Variants in ADAMTS18 observed in about 807,000 individuals in gnomAD.
The protein encoded by ADAMTS18 is A disintegrin and metalloproteinase with thrombospondin motifs 18.
A neutral mutation model predicts 165.9 loss-of-function variants in ADAMTS18; 157 were observed. The observed-to-expected ratio is 0.95, with a 90% confidence interval of 0.83 to 1.08. The LOEUF (loss-of-function observed/expected upper bound fraction) is 1.08. Ranked by LOEUF, ADAMTS18 falls within the 50% of genes least tolerant of loss-of-function variation. ADAMTS18 has a pLI of 0.00. For missense variants in ADAMTS18, 2,040 were observed against 1,534.0 expected, an observed-to-expected ratio of 1.33 and a Z score of -5.51; for synonymous variants, 782 against 578.2, an observed-to-expected ratio of 1.35 and a Z score of -5.06.
At chr16:77,296,938 G>A (rs546244079) in intron 18 of ADAMTS18, among the ~76,000 whole-genome samples, 2 of 152,240 alleles carry the variant, frequency 1.3e-5, no homozygotes, top group South Asian at 2.1e-4. Context: ...AAGTAAATTT[G>A]TATTTTTCAA....
chr16:77,308,725 A>G (rs1189094945), intron 16 of ADAMTS18, among the ~76,000 whole-genome samples: 1 of 152,224 alleles, frequency 6.6e-6, no homozygotes, highest in Non-Finnish European at 1.5e-5. Flanking sequence ...CTCAAGATGG[A>G]AAAACATTGT....
chr16:77,431,358 G>A lies in ADAMTS18; in HGVS notation c.432C>T (p.Phe144=). 1 of 1,614,150 alleles carries A rather than the reference G, an allele frequency of 6.2e-7. No individual in the cohort carries two copies. Among genetic ancestry groups the A allele is most frequent in the Non-Finnish European group, 8.5e-7 (1 of 1,180,042 alleles). The change falls in exon 3 of 23, where the codon TTC becomes TTT. Residue 144 remains phenylalanine, a synonymous_variant. Transcript: ENST00000282849. Reference sequence around the variant, plus strand: ...TGTCATTTCTGATAAATCCCTGATAGAAGCATTGCTGCACCTCGGGTTTCT... The same window carrying A: ...TGTCATTTCTGATAAATCCCTGATAAAAGCATTGCTGCACCTCGGGTTTCT... ...ETQKPEVQQC[F]YQGFIRNDSS...
chr16:77,367,797 G>A, intron 3 of ADAMTS18, 74 bp from the exon 4 acceptor site: 4 of 1,564,584 alleles, frequency 2.6e-6, no homozygotes, highest in Non-Finnish European at 1.8e-6. Context: ...TTCAACAACT[G>A]CTTCTGACTA....
chr16:77,405,417 G>C (rs958242974), intron 3 of ADAMTS18, among the ~76,000 whole-genome samples: 1 of 152,166 alleles, frequency 6.6e-6, no homozygotes, highest in Non-Finnish European at 1.5e-5. Flanking sequence ...TGCTTTGAAT[G>C]AGCAGATGGC....
intron 3 of ADAMTS18, among the ~76,000 whole-genome samples, chr16:77,425,816 G>A (rs1003550698): frequency 1.5e-4 from 23 of 152,084 alleles, no homozygotes; most frequent in African/African-American, 5.3e-4. Context: ...GCTGAGGTAG[G>A]CAGATCACCT....
chr16:77,384,967 T>C (rs2057085880), intron 3 of ADAMTS18, among the ~76,000 whole-genome samples: 1 of 151,500 alleles, frequency 6.6e-6, no homozygotes, highest in Admixed American at 6.6e-5. Flanking sequence ...TGGAATGCAG[T>C]GGAATGATCT....
At chr16:77,318,793 G>A (rs751337810) in intron 16 of ADAMTS18, among the ~76,000 whole-genome samples, 1 of 151,840 alleles carries the variant, frequency 6.6e-6, no homozygotes, top group Admixed American at 6.6e-5. Context: ...TTTCTGGTTA[G>A]TGAAGTCCAT....
intron 3 of ADAMTS18, among the ~76,000 whole-genome samples, chr16:77,379,715 T>A (rs140033320): frequency 2.6e-4 from 39 of 152,200 alleles, no homozygotes; most frequent in African/African-American, 9.1e-4. Flanking sequence ...GATCTCAAAT[T>A]CCTGACCTCA....
At chr16:77,299,454 T>G (rs138567924) in intron 17 of ADAMTS18, among the ~76,000 whole-genome samples, 102 of 152,304 alleles carry the variant, frequency 6.7e-4, no homozygotes, top group African/African-American at 2.4e-3. Flanking sequence ...ACATAAGAAT[T>G]TCTTCATTTT....
chr16:77,362,405 G>T lies in ADAMTS18; in HGVS notation c.1057-141C>A. 8.1e-6 allele frequency: 7 copies of T among 866,582 alleles called. No homozygotes were observed. The Middle Eastern group carries it at 1.7e-3, about 206-fold the overall frequency. 53.7% of individuals were successfully genotyped at this position (866,582 alleles called of 1,614,324 possible). A position where few individuals can be genotyped will look rare whatever the true frequency, so the allele number is the denominator to read the frequency against. On this transcript the variant is annotated intron_variant, in intron 6 of 22. Coordinates refer to ENST00000282849, the MANE Select transcript of ADAMTS18 (RefSeq NM_199355.4). The stretch of plus-strand genomic sequence containing the variant: ...ACACTTGAGCTAAGGTAGGAGACAG[G>T]AAAATCTCTATTTTAGGTAAATGCT...
intron 17 of ADAMTS18, among the ~76,000 whole-genome samples, chr16:77,298,737 A>G (rs1187924878): frequency 1.3e-5 from 2 of 151,814 alleles, no homozygotes; most frequent in African/African-American, 4.9e-5. Flanking sequence ...GGCAGCAGTG[A>G]GCCGTAATTG....
At chr16:77,409,117 G>C (rs2057429275) in intron 3 of ADAMTS18, among the ~76,000 whole-genome samples, 1 of 152,022 alleles carries the variant, frequency 6.6e-6, no homozygotes, top group Non-Finnish European at 1.5e-5. Context: ...TGCAGTTTCA[G>C]GCATCCACCG....
chr16:77,409,915 A>G (rs1033090695), intron 3 of ADAMTS18, among the ~76,000 whole-genome samples: 1 of 152,170 alleles, frequency 6.6e-6, no homozygotes, highest in South Asian at 2.1e-4. Context: ...CCTCCTGCTA[A>G]TATTACCGTA....
At chr16:77,374,156 T>C (rs2056916852) in intron 3 of ADAMTS18, among the ~76,000 whole-genome samples, 1 of 151,612 alleles carries the variant, frequency 6.6e-6, no homozygotes, top group Non-Finnish European at 1.5e-5. Flanking sequence ...GAGGAGCAGT[T>C]TGCAGCGCAC....
chr16:77,289,185 G>A, intron 22 of ADAMTS18, 79 bp downstream of exon 22: 1 of 1,543,064 alleles, frequency 6.5e-7, no homozygotes, highest in Non-Finnish European at 8.9e-7. Flanking sequence ...AATGTCACAG[G>A]CTGCACTACT....
chr16:77,385,187 G>A (rs1281200137), intron 3 of ADAMTS18, among the ~76,000 whole-genome samples: 1 of 152,142 alleles, frequency 6.6e-6, no homozygotes, highest in African/African-American at 2.4e-5. Context: ...GGGATTACAG[G>A]AGTGAGCCAC....
chr16:77,335,649 A>G (rs2056296810), intron 12 of ADAMTS18, 107 bp downstream of exon 12: 2 of 1,363,002 alleles, frequency 1.5e-6, no homozygotes, highest in Non-Finnish European at 2.1e-6. Context: ...TGTAGCCATA[A>G]TAATTAAAAA....
At chr16:77,300,123 T>C in intron 17 of ADAMTS18, 140 bp downstream of exon 17, 1 of 978,394 alleles carries the variant, frequency 1.0e-6, no homozygotes, top group Non-Finnish European at 1.5e-6. Flanking sequence ...TGCCATAATA[T>C]TTGCTTTTAT....
chr16:77,315,542 G>A (rs930538933), intron 16 of ADAMTS18, among the ~76,000 whole-genome samples: 17 of 152,148 alleles, frequency 1.1e-4, no homozygotes, highest in African/African-American at 3.9e-4. Flanking sequence ...AGATGCCAGC[G>A]TGATGAGAGA....
Sources: gnomAD v4.1 joint callset for allele counts (sites outside exome capture counted in the v4.1 genomes callset) on GRCh38, gnomAD v4.1.1 for gene constraint, MANE v1.5 for transcripts, NCBI Gene and HGNC (gene_info 2026-07-23, HGNC 2026-07-21) for gene names.